The following KCNG3 variants were observed in gnomAD, a reference collection of about 807,000 sequenced individuals.
The protein encoded by KCNG3 is voltage-gated potassium channel regulatory subunit KCNG3.
A neutral mutation model predicts 29.0 loss-of-function variants in KCNG3; 15 were observed. The observed-to-expected ratio is 0.52, with a 90% CI of 0.35 to 0.80. The LOEUF (loss-of-function observed/expected upper bound fraction) is 0.80. Ranked by LOEUF, KCNG3 falls within the 30% of genes least tolerant of loss-of-function variation. KCNG3 has a pLI of 0.01. For synonymous variants in KCNG3, 322 were observed against 248.9 expected (o/e 1.29, Z -2.76); for missense variants, 512 against 605.7 (o/e 0.85, Z 1.62).
chr2:42,395,614 G>A, the KCNG3 span, among the ~76,000 whole-genome samples: 11 of 152,250 alleles, frequency 7.2e-5, no homozygotes, highest in East Asian at 2.1e-3. Flanking sequence ...CTTAAAACAG[G>A]ATTACGTTTC....
chr2:42,487,676 A>C (rs892030935), intron 1 of KCNG3, among the ~76,000 whole-genome samples: 10 of 152,226 alleles, frequency 6.6e-5, no homozygotes, highest in Non-Finnish European at 1.5e-4. Flanking sequence ...AAATTGATAC[A>C]GTACAATCTT....
intron 1 of KCNG3, among the ~76,000 whole-genome samples, chr2:42,452,202 A>G (rs939550448): frequency 2.1e-5 from 3 of 142,310 alleles, no homozygotes; most frequent in African/African-American, 5.1e-5. Flanking sequence ...TAATCACATC[A>G]GGGTAAATGG....
chr2:42,428,449 C>G, the KCNG3 span, among the ~76,000 whole-genome samples: 1 of 125,414 alleles, frequency 8.0e-6, no homozygotes, highest in African/African-American at 3.0e-5. Flanking sequence ...TGAGAGAGAC[C>G]CGGTCTCGGG....
chr2:42,402,560 A>G, the KCNG3 span, among the ~76,000 whole-genome samples: 1 of 152,204 alleles, frequency 6.6e-6, no homozygotes, highest in South Asian at 2.1e-4. Context: ...TCACGCACAG[A>G]TGTTTAATTC....
At chr2:42,480,758 T>TA (rs11338189) in intron 1 of KCNG3, among the ~76,000 whole-genome samples, 2,224 of 122,636 alleles carry the variant, frequency 0.018, 27 homozygotes, top group African/African-American at 0.037. Context: ...AACCCCATCT[T>TA]AAAAAAAAAA....
intron 1 of KCNG3, among the ~76,000 whole-genome samples, chr2:42,481,879 G>A (rs978916530): frequency 1.1e-4 from 17 of 152,128 alleles, no homozygotes; most frequent in African/African-American, 3.9e-4. Context: ...TAATCATGGC[G>A]CACACTTACA....
At chr2:42,471,885 CAAAAA>C (rs59566876) in intron 1 of KCNG3, among the ~76,000 whole-genome samples, 1 of 63,932 alleles carries the variant, frequency 1.6e-5, no homozygotes, top group Non-Finnish European at 3.7e-5. Context: ...CCCTGTATCT[CAAAAA>C]AAAAAAAAAA....
chr2:42,457,627 T>TCACACTCACACACACA (rs1672910198), intron 1 of KCNG3, among the ~76,000 whole-genome samples: 1 of 125,434 alleles, frequency 8.0e-6, no homozygotes, highest in South Asian at 3.0e-4. Flanking sequence ...CAGGCAGATC[T>TCACACTCACACACACA]CACACACACA....
At chr2:42,480,006 A>C (rs1673541935) in intron 1 of KCNG3, among the ~76,000 whole-genome samples, 3 of 152,190 alleles carry the variant, frequency 2.0e-5, no homozygotes, top group African/African-American at 4.8e-5. Flanking sequence ...ACAGAGCAAG[A>C]CTCTGTCTCA....
the KCNG3 span, among the ~76,000 whole-genome samples, chr2:42,407,610 C>A: frequency 2.0e-5 from 3 of 152,184 alleles, no homozygotes; most frequent in Non-Finnish European, 4.4e-5. Context: ...ACCCAGGCCT[C>A]CTGCTCCTCC....
the KCNG3 span, among the ~76,000 whole-genome samples, chr2:42,425,318 G>C: frequency 5.4e-5 from 8 of 148,178 alleles, no homozygotes; most frequent in African/African-American, 2.0e-4. Context: ...AGAATCGCTT[G>C]AACCCGGGAG....
At chr2:42,456,810 TAAC>T in intron 1 of KCNG3, among the ~76,000 whole-genome samples, 1 of 152,126 alleles carries the variant, frequency 6.6e-6, no homozygotes, top group East Asian at 1.9e-4. Context: ...ATGTACAATG[TAAC>T]AACACAAGGC....
At chr2:42,447,258 A>G (rs1039357189) in intron 1 of KCNG3, among the ~76,000 whole-genome samples, 2 of 151,424 alleles carry the variant, frequency 1.3e-5, no homozygotes, top group Non-Finnish European at 2.9e-5. Flanking sequence ...GTGTATATAT[A>G]TGTACATACA....
intron 1 of KCNG3, among the ~76,000 whole-genome samples, chr2:42,483,899 C>A (rs1025956893): frequency 1.3e-5 from 2 of 152,154 alleles, no homozygotes; most frequent in African/African-American, 4.8e-5. Flanking sequence ...TCAAGTGATC[C>A]TCCTACCTCA....
the KCNG3 span, among the ~76,000 whole-genome samples, chr2:42,432,322 C>G: frequency 3.9e-5 from 6 of 152,186 alleles, no homozygotes; most frequent in Non-Finnish European, 8.8e-5. Context: ...TTTTGGAATA[C>G]CTCCTCCACC....
chr2:42,470,244 C>A, intron 1 of KCNG3: 1 of 419,362 alleles, frequency 2.4e-6, no homozygotes, highest in Non-Finnish European at 4.6e-6. Flanking sequence ...GAGTCATCTA[C>A]AGCCTCTGTC....
chr2:42,459,150 C>T (rs988075805), intron 1 of KCNG3, among the ~76,000 whole-genome samples: 9 of 150,642 alleles, frequency 6.0e-5, no homozygotes, highest in Non-Finnish European at 1.3e-4. Context: ...GAGCCAAGAT[C>T]GCACCACTGC....
At chr2:42,473,877 C>A (rs553570110) in intron 1 of KCNG3, among the ~76,000 whole-genome samples, 30 of 152,156 alleles carry the variant, frequency 2.0e-4, no homozygotes, top group Admixed American at 1.8e-3. Context: ...TTAGGCCAGG[C>A]GCGGTGGCTC....
the KCNG3 span, among the ~76,000 whole-genome samples, chr2:42,431,848 G>A: frequency 6.6e-6 from 1 of 152,084 alleles, no homozygotes; most frequent in Non-Finnish European, 1.5e-5. Context: ...GACCAGCCTG[G>A]CCAACATGGC....
Sources: gnomAD v4.1 joint callset for allele counts (sites outside exome capture counted in the v4.1 genomes callset) on GRCh38, gnomAD v4.1.1 for gene constraint, MANE v1.5 for transcripts, NCBI Gene and HGNC (gene_info 2026-07-23, HGNC 2026-07-21) for gene names.